PITPNM3: variants seen among roughly 807,000 people sequenced by gnomAD.
PITPNM3 encodes the protein membrane-associated phosphatidylinositol transfer protein 3.
A neutral mutation model predicts 102.0 loss-of-function variants in PITPNM3; 26 were observed. The observed-to-expected ratio is 0.25, with a 90% CI of 0.19 to 0.35. PITPNM3 has a LOEUF of 0.35. PITPNM3 is among the 10% of genes least tolerant of loss of function. The pLI, the probability that PITPNM3 is intolerant of heterozygous loss-of-function variation, is 1.00. For synonymous variants in PITPNM3, 578 were observed against 558.6 expected (o/e 1.03, Z -0.49); for missense variants, 1,083 against 1,346.1 (o/e 0.80, Z 3.06).
In PITPNM3 at chr17:6,459,204, G is replaced by T. The variant is rs968456289; in HGVS notation, c.2491-1482C>A. On this transcript the variant is annotated intron_variant, in intron 18 of 19. Coordinates refer to ENST00000262483, the MANE Select transcript of PITPNM3 (RefSeq NM_031220.4). This position sits in a 1 kb window ranked among gnomAD's most constrained non-coding sequence, Gnocchi z 5.0. ...CTCTGCTCCTCTCCCTGCTACTTTT[G>T]CCCCCTTGTCCTTCCGAACTGTCTT... is the stretch of plus-strand genomic sequence containing the variant. Among the ~76,000 whole-genome samples the T allele has an allele frequency of 2.0e-5, 3 of 152,014 alleles. No homozygotes were observed. Among genetic ancestry groups the T allele is most frequent in the African/African-American group, 4.8e-5 (2 of 41,370 alleles).
chr17:6,468,222 C>A lies in PITPNM3; in HGVS notation c.1890+3G>T. On this transcript the variant is annotated splice_donor_region_variant and intron_variant, in intron 14 of 19. Coordinates refer to ENST00000262483, the MANE Select transcript of PITPNM3 (RefSeq NM_031220.4). This position sits in a 1 kb window ranked among gnomAD's most constrained non-coding sequence, Gnocchi z 5.2. ...GCCACATGCGAACTGAGCATGCACG[C>A]ACCCTCAGCTTGACCTGAGTCCGCT... 2 of 1,612,702 alleles carry A rather than the reference C, an allele frequency of 1.2e-6. No individual in the cohort carries two copies. Among genetic ancestry groups the A allele is most frequent in the Non-Finnish European group, 1.7e-6 (2 of 1,179,752 alleles).
At chr17:6,496,106 C>T (rs1324722487) in intron 4 of PITPNM3, among the ~76,000 whole-genome samples, 1 of 152,072 alleles carries the variant, frequency 6.6e-6, no homozygotes, top group Non-Finnish European at 1.5e-5. Context: ...GTGGGAACAA[C>T]CCCAGGGTAT....
At position 6,477,969 on chromosome 17, in the gene PITPNM3, C is replaced by T. The variant is rs1247923728; in HGVS notation, c.900+6G>A. The T allele has an allele frequency of 6.2e-7, 1 of 1,612,376 alleles. No homozygotes were observed. ...CCCCTCCCGCGGTCCTGTCCCCCGG[C>T]TGTACCTGGGTGCTGCTGATGCTCC... is the stretch of plus-strand genomic sequence containing the variant. On this transcript the variant is annotated splice_donor_region_variant and intron_variant, in intron 8 of 19. Transcript: ENST00000262483.
chr17:6,530,378 C>A lies in PITPNM3; in HGVS notation c.119-4915G>T, dbSNP rs547878104. On this transcript the variant is annotated intron_variant, in intron 2 of 19. Coordinates refer to ENST00000262483, the MANE Select transcript of PITPNM3 (RefSeq NM_031220.4). ...AATGGGATGATTTAGCCGTGCACTACCTTCCTCTCCCAATTGCTATGGGAA... is the reference window on the plus strand; with the variant it reads ...AATGGGATGATTTAGCCGTGCACTAACTTCCTCTCCCAATTGCTATGGGAA... Among the ~76,000 whole-genome samples the A allele has an allele frequency of 3.9e-5, 6 of 152,298 alleles. No homozygotes were observed. In the South Asian group the frequency reaches 1.2e-3, roughly 32 times the overall value.
intron 2 of PITPNM3, among the ~76,000 whole-genome samples, chr17:6,534,395 C>T (rs932095223): frequency 9.2e-5 from 14 of 152,218 alleles, no homozygotes; most frequent in African/African-American, 3.4e-4. Context: ...CAGAGACCCC[C>T]AGAACCCAGA....
intron 3 of PITPNM3, among the ~76,000 whole-genome samples, chr17:6,509,374 TTGG>T (rs1265868195): frequency 6.6e-6 from 1 of 151,968 alleles, no homozygotes; most frequent in Admixed American, 6.5e-5. Context: ...CACTGGAGAG[TTGG>T]TGGCTGCGGA....
intron 3 of PITPNM3, among the ~76,000 whole-genome samples, chr17:6,505,704 G>A (rs138053944): frequency 1.3e-5 from 2 of 152,204 alleles, no homozygotes; most frequent in Non-Finnish European, 2.9e-5. Flanking sequence ...GCCTAGCAGA[G>A]AAATTAAGAC....
At chr17:6,521,507 C>A (rs1167437825) in intron 3 of PITPNM3, 2 of 151,684 alleles carry the variant, frequency 1.3e-5, no homozygotes, top group African/African-American at 4.8e-5. Context: ...CAAACAATTG[C>A]AAAAATAATA....
chr17:6,464,030 C>A (rs1904634824), intron 16 of PITPNM3, 140 bp downstream of exon 16: 2 of 1,536,962 alleles, frequency 1.3e-6, no homozygotes, highest in Non-Finnish European at 1.8e-6. Flanking sequence ...CGGCTGGTGA[C>A]CTCTCCCATC....
At chr17:6,541,694 G>A (rs905709787) in intron 1 of PITPNM3, among the ~76,000 whole-genome samples, 6 of 152,134 alleles carry the variant, frequency 3.9e-5, no homozygotes, top group African/African-American at 9.7e-5. Flanking sequence ...CTAGGTTCCT[G>A]AGAGTCACAG....
chr17:6,508,405 G>A (rs904195558), intron 3 of PITPNM3, among the ~76,000 whole-genome samples: 4 of 152,204 alleles, frequency 2.6e-5, no homozygotes, highest in African/African-American at 9.7e-5. Context: ...CTTCCCCAAC[G>A]TTGAGATCTG....
rs9907189 is a variant in PITPNM3 at position 6,469,235 on chromosome 17, C to G, written c.1774-894G>C. Among the ~76,000 whole-genome samples, 107,256 of 151,984 alleles carry G rather than the reference C, an allele frequency of 0.71. 37,964 individuals are homozygous for G. Among genetic ancestry groups the G allele is most frequent in the Middle Eastern group, 0.83 (244 of 294 alleles). ...ACATTTTTATCTGGAATCCTGATGT[C>G]TTCTCTAAGTTCCAGACTCCTCTAC... On this transcript the variant is annotated intron_variant, in intron 13 of 19. Transcript: ENST00000262483. The surrounding 1 kb of genome is among the most constrained non-coding windows in gnomAD (Gnocchi z 4.0).
intron 4 of PITPNM3, among the ~76,000 whole-genome samples, chr17:6,498,978 C>G (rs889687623): frequency 6.6e-6 from 1 of 152,120 alleles, no homozygotes; most frequent in African/African-American, 2.4e-5. Context: ...GAGGTGGCAA[C>G]AGAAGACCCC....
chr17:6,518,356 A>G (rs1908303572), intron 3 of PITPNM3, among the ~76,000 whole-genome samples: 1 of 152,116 alleles, frequency 6.6e-6, no homozygotes, highest in East Asian at 1.9e-4. Flanking sequence ...GACTGAGGTT[A>G]TACAAGTTTG....
At chr17:6,510,140 T>C (rs1907787692) in intron 3 of PITPNM3, among the ~76,000 whole-genome samples, 1 of 152,242 alleles carries the variant, frequency 6.6e-6, no homozygotes, top group Non-Finnish European at 1.5e-5. Flanking sequence ...ACATACTGAA[T>C]AACTTTGCCT....
rs189999823 is a variant in PITPNM3 at position 6,465,324 on chromosome 17, G to A, written c.1891-553C>T. Among the ~76,000 whole-genome samples the A allele has an allele frequency of 1.8e-3, 274 of 152,290 alleles. 1 individual carries two copies. Among genetic ancestry groups the A allele is most frequent in the African/African-American group, 6.2e-3 (259 of 41,562 alleles). ...GACTCCCAAAGTGCTGGGATTATAGGCATGAGCCACCGTGCCTGGCCCGTT... is the reference window on the plus strand; with the variant it reads ...GACTCCCAAAGTGCTGGGATTATAGACATGAGCCACCGTGCCTGGCCCGTT... On this transcript the variant is annotated intron_variant, in intron 14 of 19. Coordinates refer to ENST00000262483, the MANE Select transcript of PITPNM3 (RefSeq NM_031220.4).
In PITPNM3 at chr17:6,556,433, C is replaced by T. The variant is rs1313991756; in HGVS notation, c.-27G>A. The T allele has an allele frequency of 3.2e-6, 4 of 1,255,942 alleles. No homozygotes were observed. Among genetic ancestry groups the T allele is most frequent in the Middle Eastern group, 6.2e-4 (2 of 3,212 alleles). The allele number at this position is 1,255,942 out of a possible 1,614,324, so 77.8% of individuals were successfully genotyped here. ...TCCCGGGCGGCGGGCTCCGGCGGCG[C>T]TACGCGCGCTCCTCGCGCTTCCCGG... On this transcript the variant is annotated 5_prime_UTR_variant, in exon 1 of 20. Transcript: ENST00000262483. This position sits in a 1 kb window ranked among gnomAD's most constrained non-coding sequence, Gnocchi z 5.2.
Position 6,455,591 on chromosome 17 carries a change from CGGTG to C in PITPNM3, c.2668_2671del (p.His890AlafsTer11). The stretch of plus-strand genomic sequence containing the variant: ...CGAGTTGTTCTTCTTTGGGCGTGAG[CGGTG>C]GCTGGCCTCCAGCGCGGCCAGGTGT... On this transcript the variant is annotated frameshift_variant, in exon 20 of 20. Coordinates refer to ENST00000262483, the MANE Select transcript of PITPNM3 (RefSeq NM_031220.4). LOFTEE classifies it high-confidence loss of function. 1 of 1,560,010 alleles carries C rather than the reference CGGTG, an allele frequency of 6.4e-7. No individual in the cohort carries two copies. Among genetic ancestry groups the C allele is most frequent in the Non-Finnish European group, 8.6e-7 (1 of 1,156,592 alleles).
chr17:6,451,321 C>T lies in PITPNM3; in HGVS notation c.*4017G>A, dbSNP rs1401803708. On this transcript the variant is annotated 3_prime_UTR_variant, in exon 20 of 20. Coordinates refer to ENST00000262483, the MANE Select transcript of PITPNM3 (RefSeq NM_031220.4). ...CATTTGAGAGCTAAAAACCAGCTCA[C>T]ATCAAAATCAAGACCCAGTTGTAAA... 6.6e-6 allele frequency: 1 copy of T among 152,236 alleles called. No homozygotes were observed. The highest frequency in any genetic ancestry group is 2.4e-5 in the African/African-American group (1 of 41,466). The allele number at this position is 152,236 out of a possible 1,614,324, so 9.4% of individuals were successfully genotyped here.
Sources: allele counts gnomAD v4.1 joint callset (sites outside exome capture counted in the v4.1 genomes callset), GRCh38; gene constraint gnomAD v4.1.1; non-coding constraint Gnocchi (gnomAD v3.1); transcripts MANE v1.5; gene names NCBI Gene and HGNC (gene_info 2026-07-23, HGNC 2026-07-21).